Variants in TMEM92 observed in about 807,000 individuals in gnomAD.
The protein encoded by TMEM92 is transmembrane protein 92.
TMEM92 carries 15 observed loss-of-function variants against 14.6 expected under a neutral mutation model. That is an observed-to-expected ratio of 1.03 (90% CI 0.69 to 1.58). The LOEUF (loss-of-function observed/expected upper bound fraction) is 1.58. TMEM92 is among the 40% of genes most tolerant of loss of function. The pLI, the probability that TMEM92 is intolerant of heterozygous loss-of-function variation, is 0.00. For synonymous variants in TMEM92, 85 were observed against 83.3 expected, an observed-to-expected ratio of 1.02 and a Z score of -0.11; for missense variants, 174 against 202.4, an observed-to-expected ratio of 0.86 and a Z score of 0.85.
chr17:50,275,852 AAT>A (rs1386601277), intron 1 of TMEM92, among the ~76,000 whole-genome samples: 1 of 152,072 alleles, frequency 6.6e-6, no homozygotes, highest in Non-Finnish European at 1.5e-5. Context: ...TAATTTAAAG[AAT>A]AGAGGCCAGG....
chr17:50,274,452 CGCA>C (rs1910354133), upstream of TMEM92: 2 of 1,598,264 alleles, frequency 1.3e-6, no homozygotes, highest in Admixed American at 3.3e-5. Context: ...TGGGAGAGGT[CGCA>C]GCCCCGCCTT....
In TMEM92 at chr17:50,279,429, C is replaced by A; in HGVS notation, c.*121C>A. The A allele has an allele frequency of 1.2e-6, 1 of 816,144 alleles. No individual in the cohort carries two copies. The highest frequency in any genetic ancestry group is 2.0e-6 in the Non-Finnish European group (1 of 490,454). 50.6% of individuals were successfully genotyped at this position (816,144 alleles called of 1,614,324 possible). ...CCATCCTGCCGTGTCTCTGTTCATT[C>A]TTGGATTTAACTTATTACTTTTTCT... On this transcript the variant is annotated 3_prime_UTR_variant, in exon 5 of 5. Transcript: ENST00000507382.
intron 2 of TMEM92, 89 bp from the exon 3 acceptor site, chr17:50,278,467 G>C (rs930223956): frequency 1.7e-5 from 25 of 1,448,940 alleles, no homozygotes; most frequent in Non-Finnish European, 2.4e-5. Context: ...TGAGCATCTT[G>C]GGTGTATTTT....
At position 50,279,093 on chromosome 17, in the gene TMEM92, C is replaced by T. The variant is rs1008932716; in HGVS notation, c.366+97C>T. 15 of 1,423,642 alleles carry T rather than the reference C, an allele frequency of 1.1e-5. No homozygotes were observed. The East Asian group carries it at 3.4e-4, about 32-fold the overall frequency. 88.2% of individuals were successfully genotyped at this position (1,423,642 alleles called of 1,614,324 possible). A position where few individuals can be genotyped will look rare whatever the true frequency, so the allele number is the denominator to read the frequency against. On this transcript the variant is annotated intron_variant, in intron 4 of 4. Transcript: ENST00000507382. ...ATCCTGGAGGGCACTCTGCACCCAGCATTGGGTCACCCCTCTCCCTGGTAA... is the reference window on the plus strand; with the variant it reads ...ATCCTGGAGGGCACTCTGCACCCAGTATTGGGTCACCCCTCTCCCTGGTAA...
Position 50,279,238 on chromosome 17 carries a change from C to A in TMEM92, c.410C>A (p.Pro137His), listed in dbSNP as rs997925668. Residue 137 changes from proline to histidine, a missense_variant, in exon 5 of 5, where the codon CCC becomes CAC. Coordinates refer to ENST00000507382, the MANE Select transcript of TMEM92 (RefSeq NM_153229.3). ...PSLGPTPTEPPPPYSFRPEEY... is the reference protein window; with the variant it reads ...PSLGPTPTEPHPPYSFRPEEY... Reference sequence around the variant, plus strand: ...CTGGGCCCAACTCCCACAGAGCCACCCCCTCCCTACAGCTTCAGGCCTGAA... The same window carrying A: ...CTGGGCCCAACTCCCACAGAGCCACACCCTCCCTACAGCTTCAGGCCTGAA... The A allele has an allele frequency of 6.2e-7, 1 of 1,613,870 alleles. No individual in the cohort carries two copies. The highest frequency in any genetic ancestry group is 2.2e-5 in the East Asian group (1 of 44,862).
chr17:50,274,771 C>T, intron 1 of TMEM92: 1 of 587,680 alleles, frequency 1.7e-6, no homozygotes, highest in South Asian at 2.1e-5. Context: ...GGTTCTCCCA[C>T]CTCTGAGGGG....
rs1219142373 is a variant in TMEM92 at position 50,280,943 on chromosome 17, G to T, written c.*1635G>T. On this transcript the variant is annotated 3_prime_UTR_variant, in exon 5 of 5. Coordinates refer to ENST00000507382, the MANE Select transcript of TMEM92 (RefSeq NM_153229.3). ...AGAAAACATGTGGGTTCTTTGTGTAGATGTGGCTAGTTCCAATTAGAGAAG... is the reference window on the plus strand; with the variant it reads ...AGAAAACATGTGGGTTCTTTGTGTATATGTGGCTAGTTCCAATTAGAGAAG... 1 of 152,292 alleles carries T rather than the reference G, an allele frequency of 6.6e-6. No individual in the cohort carries two copies. Among genetic ancestry groups the T allele is most frequent in the Non-Finnish European group, 1.5e-5 (1 of 68,042 alleles). The allele number at this position is 152,292 out of a possible 1,614,324, so 9.4% of individuals were successfully genotyped here.
chr17:50,274,662 T>C (rs1427256800), intron 1 of TMEM92, 92 bp downstream of exon 1: 1 of 1,174,784 alleles, frequency 8.5e-7, no homozygotes, highest in Non-Finnish European at 1.2e-6. Context: ...CCTTCCAGAA[T>C]CAGGATTTCC....
At position 50,278,951 on chromosome 17, in the gene TMEM92, G is replaced by A. The variant is rs144262351; in HGVS notation, c.321G>A (p.Glu107=). ...PLELPSIIPP[E]RVRVSLSAPP... Reference sequence around the variant, plus strand: ...AACTGCCCTCCATCATCCCCCCAGAGAGGGTCAGAGTATCCCTTTCTGCGC... The same window carrying A: ...AACTGCCCTCCATCATCCCCCCAGAAAGGGTCAGAGTATCCCTTTCTGCGC... Residue 107 remains glutamate, a synonymous_variant, in exon 4 of 5, where the codon GAG becomes GAA. Coordinates refer to ENST00000507382, the MANE Select transcript of TMEM92 (RefSeq NM_153229.3). The A allele has an allele frequency of 8.1e-5, 131 of 1,612,996 alleles. No individual in the cohort carries two copies. The highest frequency in any genetic ancestry group is 5.1e-4 in the South Asian group (46 of 91,048).
chr17:50,280,888 C>T lies in TMEM92; in HGVS notation c.*1580C>T, dbSNP rs906428394. 4 of 152,528 alleles carry T rather than the reference C, an allele frequency of 2.6e-5. No homozygotes were observed. Among genetic ancestry groups the T allele is most frequent in the African/African-American group, 9.6e-5 (4 of 41,556 alleles). The allele number at this position is 152,528 out of a possible 1,614,324, so 9.4% of individuals were successfully genotyped here. A position where few individuals can be genotyped will look rare whatever the true frequency, so the allele number is the denominator to read the frequency against. The stretch of plus-strand genomic sequence containing the variant: ...AGCCCAAGCGTAAGTGGAAGTTTCC[C>T]TTTACTTTCAGGGATTGGTCAGGGG... On this transcript the variant is annotated 3_prime_UTR_variant, in exon 5 of 5. Transcript: ENST00000507382.
intron 1 of TMEM92, among the ~76,000 whole-genome samples, chr17:50,277,239 C>T (rs944491129): frequency 2.0e-5 from 3 of 151,988 alleles, no homozygotes; most frequent in Non-Finnish European, 2.9e-5. Flanking sequence ...CTAGGGGAAG[C>T]GAAAGGGGAG....
At chr17:50,278,755 AGGGT>A (rs1362200881) in intron 3 of TMEM92, 42 bp from the exon 4 acceptor site, 8 of 1,576,832 alleles carry the variant, frequency 5.1e-6, no homozygotes, top group Non-Finnish European at 6.9e-6. Flanking sequence ...GGGAGTCCCC[AGGGT>A]GGCCTGGGGA....
At chr17:50,276,620 C>G (rs1222174396) in intron 1 of TMEM92, among the ~76,000 whole-genome samples, 2 of 152,094 alleles carry the variant, frequency 1.3e-5, no homozygotes, top group African/African-American at 4.8e-5. Flanking sequence ...TGAGAGATGC[C>G]CTTCCCCACC....
chr17:50,274,393 G>T, upstream of TMEM92: 1 of 1,136,336 alleles, frequency 8.8e-7, no homozygotes. Flanking sequence ...GCCTCTCCCG[G>T]TGCAGCTCCG....
chr17:50,279,134 G>A lies in TMEM92; in HGVS notation c.367-61G>A, dbSNP rs868240996. 128 of 1,549,206 alleles carry A rather than the reference G, an allele frequency of 8.3e-5. No homozygotes were observed. In the Middle Eastern group the frequency reaches 2.7e-3, roughly 33 times the overall value. On this transcript the variant is annotated intron_variant, in intron 4 of 4. Coordinates refer to ENST00000507382, the MANE Select transcript of TMEM92 (RefSeq NM_153229.3). ...TCCCTGGTAACCATGCCTCAGCTGG[G>A]ATGGGGGAGTGGTGGCCAGGGCCAG...
In TMEM92 at chr17:50,278,834, C is replaced by T. The variant is rs763941423; in HGVS notation, c.204C>T (p.Ser68=). ...IFVIIFLVIL[S]VFCICGLAKC... ...TCATCATCTTCCTGGTCATCCTGTC[C>T]GTCTTTTGCATCTGTGGCCTGGCTA... Residue 68 remains serine, a synonymous_variant, in exon 4 of 5, where the codon TCC becomes TCT. Transcript: ENST00000507382. The T allele has an allele frequency of 1.3e-5, 21 of 1,613,258 alleles. No individual in the cohort carries two copies. The highest frequency in any genetic ancestry group is 8.0e-5 in the African/African-American group (6 of 74,950).
At chr17:50,275,148 T>A (rs866551047) in intron 1 of TMEM92, 56 of 153,998 alleles carry the variant, frequency 3.6e-4, no homozygotes, top group African/African-American at 1.3e-3. Context: ...GGTTCGAGTG[T>A]TCCCTCCGCC....
intron 1 of TMEM92, among the ~76,000 whole-genome samples, chr17:50,277,460 G>A (rs1910463070): frequency 6.6e-6 from 1 of 151,960 alleles, no homozygotes; most frequent in Non-Finnish European, 1.5e-5. Flanking sequence ...GGTCAGAAGG[G>A]ATGAGCTTAC....
intron 1 of TMEM92, among the ~76,000 whole-genome samples, chr17:50,275,461 C>T (rs1386077475): frequency 6.6e-6 from 1 of 152,030 alleles, no homozygotes; most frequent in Non-Finnish European, 1.5e-5. Context: ...GGCTGGGCAT[C>T]CTCTGGTTTA....
Sources: gnomAD v4.1 joint callset for allele counts (sites outside exome capture counted in the v4.1 genomes callset) on GRCh38, gnomAD v4.1.1 for gene constraint, MANE v1.5 for transcripts, NCBI Gene and HGNC (gene_info 2026-07-23, HGNC 2026-07-21) for gene names.